The following GFRAL variants were observed in gnomAD, a reference collection of about 807,000 sequenced individuals.
GFRAL encodes GDNF family receptor alpha like, also known as GDNF family receptor alpha-like.
GFRAL carries 36 observed loss-of-function variants against 45.4 expected under a neutral mutation model. That is an observed-to-expected ratio of 0.79 (90% CI 0.61 to 1.05). The LOEUF (loss-of-function observed/expected upper bound fraction) is 1.05. GFRAL is among the 50% of genes least tolerant of loss of function. The pLI, the probability that GFRAL is intolerant of heterozygous loss-of-function variation, is 0.00. For synonymous variants in GFRAL, 166 were observed against 154.1 expected (o/e 1.08, Z -0.57); for missense variants, 507 against 467.5 (o/e 1.08, Z -0.78).
intron 6 of GFRAL, among the ~76,000 whole-genome samples, chr6:55,393,619 T>C (rs1398739225): frequency 1.3e-5 from 2 of 152,096 alleles, no homozygotes; most frequent in African/African-American, 4.8e-5. Flanking sequence ...TTTAATGTGT[T>C]TGGCAAACTA....
intron 6 of GFRAL, among the ~76,000 whole-genome samples, chr6:55,371,151 A>C (rs1768445334): frequency 1.3e-5 from 2 of 152,212 alleles, no homozygotes; most frequent in South Asian, 4.1e-4. Context: ...TTTCTAAATA[A>C]ATTTTTTCAT....
At chr6:55,352,862 G>A (rs1024530410) in intron 5 of GFRAL, among the ~76,000 whole-genome samples, 1 of 151,880 alleles carries the variant, frequency 6.6e-6, no homozygotes, top group South Asian at 2.1e-4. Context: ...AATTTATCAA[G>A]CACCTACTAC....
chr6:55,359,183 TATC>T (rs753644080), intron 6 of GFRAL, 45 bp downstream of exon 6: 991 of 1,509,114 alleles, frequency 6.6e-4, no homozygotes, highest in African/African-American at 9.1e-4. Context: ...TCTATCTATC[TATC>T]ATCTATCTAT....
intron 4 of GFRAL, 101 bp from the exon 5 acceptor site, chr6:55,351,152 T>TAG: frequency 1.2e-6 from 1 of 803,352 alleles, no homozygotes; most frequent in South Asian, 1.7e-5. Flanking sequence ...CATTGGTACA[T>TAG]CATTGTATTT....
intron 6 of GFRAL, among the ~76,000 whole-genome samples, chr6:55,396,901 C>T (rs749573124): frequency 2.4e-5 from 3 of 125,604 alleles, no homozygotes; most frequent in Non-Finnish European, 4.8e-5. Context: ...TTTCTGGAGT[C>T]AGAGTCTTGG....
At chr6:55,368,689 G>A (rs1339781770) in intron 6 of GFRAL, among the ~76,000 whole-genome samples, 5 of 152,108 alleles carry the variant, frequency 3.3e-5, no homozygotes, top group Admixed American at 6.5e-5. Flanking sequence ...AGATCTGTTG[G>A]AGTACCCTGC....
chr6:55,378,178 G>GA (rs1245702497), intron 6 of GFRAL, among the ~76,000 whole-genome samples: 1 of 151,990 alleles, frequency 6.6e-6, no homozygotes, highest in Non-Finnish European at 1.5e-5. Context: ...AAAGAAAAAT[G>GA]AAAAGCATGG....
At chr6:55,377,522 G>A (rs545772910) in intron 6 of GFRAL, among the ~76,000 whole-genome samples, 22 of 152,000 alleles carry the variant, frequency 1.4e-4, no homozygotes, top group Non-Finnish European at 3.2e-4. Context: ...TCATCCTGCA[G>A]ATTCAGAAAA....
chr6:55,349,763 G>GTTTT (rs59006121), intron 3 of GFRAL, among the ~76,000 whole-genome samples: 2 of 138,738 alleles, frequency 1.4e-5, no homozygotes, highest in African/African-American at 2.7e-5. Flanking sequence ...TATTCCTTCT[G>GTTTT]TTTTTTTTTT....
At chr6:55,340,591 C>A (rs958098998) in intron 3 of GFRAL, among the ~76,000 whole-genome samples, 1 of 152,138 alleles carries the variant, frequency 6.6e-6, no homozygotes, top group Non-Finnish European at 1.5e-5. Flanking sequence ...CAGCTCCCAG[C>A]CTGAGTGATG....
intron 6 of GFRAL, among the ~76,000 whole-genome samples, chr6:55,364,926 T>C (rs1470145247): frequency 6.6e-6 from 1 of 152,066 alleles, no homozygotes; most frequent in African/African-American, 2.4e-5. Flanking sequence ...ATGCGGGCTC[T>C]TTTTTGGTTC....
At chr6:55,342,276 A>G (rs1029207869) in intron 3 of GFRAL, among the ~76,000 whole-genome samples, 1 of 152,196 alleles carries the variant, frequency 6.6e-6, no homozygotes, top group Non-Finnish European at 1.5e-5. Flanking sequence ...GCCAGAGAGA[A>G]AGGTTGGGTT....
At chr6:55,328,100 C>T (rs1363699737) in intron 1 of GFRAL, among the ~76,000 whole-genome samples, 1 of 151,740 alleles carries the variant, frequency 6.6e-6, no homozygotes, top group South Asian at 2.1e-4. Context: ...TATCAGAATG[C>T]TTCATATTTT....
chr6:55,400,780 A>C (rs1768886107), intron 8 of GFRAL, among the ~76,000 whole-genome samples: 1 of 152,188 alleles, frequency 6.6e-6, no homozygotes, highest in Admixed American at 6.5e-5. Context: ...AATTTATTAA[A>C]GTTTACTTTA....
At chr6:55,351,634 T>G (rs1237344940) in intron 5 of GFRAL, 51 bp downstream of exon 5, 1 of 1,327,472 alleles carries the variant, frequency 7.5e-7, no homozygotes, top group Non-Finnish European at 1.1e-6. Flanking sequence ...CCTTATTTGT[T>G]ATAGTCCAGT....
chr6:55,384,862 G>GC (rs1768658873), intron 6 of GFRAL, among the ~76,000 whole-genome samples: 1 of 41,826 alleles, frequency 2.4e-5, no homozygotes, highest in Non-Finnish European at 7.0e-5. Flanking sequence ...CCAAAAAGCA[G>GC]CAAAAAAAAA....
chr6:55,339,315 A>C (rs1435041729), intron 3 of GFRAL, among the ~76,000 whole-genome samples: 1 of 152,122 alleles, frequency 6.6e-6, no homozygotes, highest in Non-Finnish European at 1.5e-5. Flanking sequence ...GGAATATTCG[A>C]GTTAGGAATG....
chr6:55,374,568 A>G (rs6459078), intron 6 of GFRAL, among the ~76,000 whole-genome samples: 151,630 of 152,264 alleles, frequency 1, 75,505 homozygotes, highest in East Asian at 1. Context: ...GTTTTCTTCC[A>G]CTATGTAGGT....
chr6:55,370,098 CTTTTT>C (rs1768431485), intron 6 of GFRAL, among the ~76,000 whole-genome samples: 5 of 151,924 alleles, frequency 3.3e-5, no homozygotes, highest in Non-Finnish European at 7.4e-5. Context: ...ATTTCCATTG[CTTTTT>C]GAAAGGATAA....
Sources: allele counts gnomAD v4.1 joint callset (sites outside exome capture counted in the v4.1 genomes callset), GRCh38; gene constraint gnomAD v4.1.1; transcripts MANE v1.5; gene names NCBI Gene and HGNC (gene_info 2026-07-23, HGNC 2026-07-21).